RPGR: variants seen among roughly 807,000 people sequenced by gnomAD.
RPGR encodes retinitis pigmentosa GTPase regulator, also known as X-linked retinitis pigmentosa GTPase regulator.
RPGR carries 10 observed loss-of-function variants against 56.3 expected under a neutral mutation model. That is an observed-to-expected ratio of 0.18 (90% confidence interval 0.11 to 0.30). The LOEUF is 0.30. Among genes scored for constraint, RPGR ranks in the 10% least tolerant of loss-of-function variants. The pLI, the probability that RPGR is intolerant of heterozygous loss-of-function variation, is 1.00. For missense variants in RPGR, 538 were observed against 590.9 expected, an observed-to-expected ratio of 0.91 and a Z score of 0.93; for synonymous variants, 197 against 212.9, an observed-to-expected ratio of 0.93 and a Z score of 0.65.
At chrX:38,306,911 A>G (rs2067613649) in intron 7 of RPGR, among the ~76,000 whole-genome samples, 2 of 112,833 alleles carry the variant, frequency 1.8e-5, no homozygotes, top group South Asian at 7.2e-4. Flanking sequence ...ATTATATTTA[A>G]CAACCAATAG....
chrX:38,302,803 CTTTT>C (rs1289293091), intron 8 of RPGR: 1 of 87,356 alleles, frequency 1.1e-5, no homozygotes, highest in Non-Finnish European at 2.2e-5. Context: ...TTTAGACTAC[CTTTT>C]TTTTTTTTTC....
rs202156474 is a variant in RPGR, at chrX:38,323,523, A to T, written c.30T>A (p.Asp10Glu). The change falls in exon 2 of 19, where the codon GAT becomes GAA. Residue 10 changes from aspartate (D) to glutamate (E), a missense_variant and splice_region_variant. This residue lies in a region of RPGR where 181 missense variants were observed against 265.1 expected (regional missense o/e 0.68). Transcript: ENST00000642395. Reference sequence around the variant, plus strand: ...TCCCAAATGTAAACACAGCACCCGAATCTGCAAATATAAGACGGTCTTTAT... The same window carrying T: ...TCCCAAATGTAAACACAGCACCCGATTCTGCAAATATAAGACGGTCTTTAT... 62 of 1,206,103 alleles carry T rather than the reference A, an allele frequency of 5.1e-5. No homozygotes were observed. The African/African-American group carries it at 1.0e-3, about 20-fold the overall frequency.
Position 38,286,329 on chromosome X carries a change from TTCC to T in RPGR, c.1905+762_1905+764del, listed in dbSNP as rs199663434. ...CCTCCTCTTCTCCCTCCCCTTCTCC[TTCC>T]TCTTCTCCCTCCCCTTCTCCTTCCT... On this transcript the variant is annotated intron_variant, in intron 15 of 18. Coordinates refer to ENST00000642395, the MANE Select transcript of RPGR (RefSeq NM_000328.3). The T allele has an allele frequency of 0.047, 28,111 of 598,218 alleles. 1,918 individuals carry two copies. Among genetic ancestry groups the T allele is most frequent in the Middle Eastern group, 0.12 (167 of 1,372 alleles). 49.3% of individuals were successfully genotyped at this position (598,218 alleles called of 1,213,427 possible).
Position 38,298,980 on chromosome X carries a change from T to C in RPGR, c.1221A>G (p.Ser407=), listed in dbSNP as rs2067448329. Reference sequence around the variant, plus strand: ...CCCTCTCTCTTCGCCGCATACGTGCTGATAGAGTCCTCTGCAGTACATTTC... The same window carrying C: ...CCCTCTCTCTTCGCCGCATACGTGCCGATAGAGTCCTCTGCAGTACATTTC... The change falls in exon 10 of 19, where the codon TCA becomes TCG. Residue 407 remains serine, a synonymous_variant. Coordinates refer to ENST00000642395, the MANE Select transcript of RPGR (RefSeq NM_000328.3). 2.5e-6 allele frequency: 3 copies of C among 1,210,151 alleles called. No individual in the cohort carries two copies. The highest frequency in any genetic ancestry group is 4.4e-5 in the Admixed American group (2 of 45,723).
At chrX:38,304,290 T>C (rs1386445888) in intron 8 of RPGR, among the ~76,000 whole-genome samples, 1 of 102,949 alleles carries the variant, frequency 9.7e-6, no homozygotes, top group Non-Finnish European at 2.1e-5. Flanking sequence ...AGTTTTTGCT[T>C]GTGGGATTTT....
At chrX:38,321,957 A>C (rs1373694293) in intron 3 of RPGR, among the ~76,000 whole-genome samples, 1 of 112,064 alleles carries the variant, frequency 8.9e-6, no homozygotes, top group Admixed American at 9.5e-5. Context: ...GGTCTCAAGG[A>C]TCCCATAGTC....
chrX:38,274,220 G>A (rs186762373), intron 17 of RPGR, among the ~76,000 whole-genome samples: 1 of 112,162 alleles, frequency 8.9e-6, no homozygotes, highest in African/African-American at 3.2e-5. Flanking sequence ...TCTAGATTAT[G>A]TAGATCTCAA....
Position 38,322,821 on chromosome X carries a change from AC to A in RPGR, c.247+31del, listed in dbSNP as rs749241480. ...CACAGTCAACATAAAAATACTTTAT[AC>A]AGTTTGTGAAAAGATAAAAAGATCC... On this transcript the variant is annotated intron_variant, in intron 3 of 18. Transcript: ENST00000642395. 1.9e-5 allele frequency: 21 copies of A among 1,081,183 alleles called. No individual in the cohort carries two copies. The African/African-American group carries it at 2.7e-4, about 14-fold the overall frequency. The allele number at this position is 1,081,183 out of a possible 1,213,427, so 89.1% of individuals were successfully genotyped here. A position where few individuals can be genotyped will look rare whatever the true frequency, so the allele number is the denominator to read the frequency against.
chrX:38,304,914 A>C (rs2067568295), intron 7 of RPGR, 124 bp from the exon 8 acceptor site: 1 of 565,320 alleles, frequency 1.8e-6, no homozygotes, highest in East Asian at 3.6e-5. Context: ...GGGAAAAAAA[A>C]ACATTTAAGA....
At chrX:38,269,867 C>T in intron 18 of RPGR, 1 of 1,005,737 alleles carries the variant, frequency 9.9e-7, no homozygotes, top group African/African-American at 1.9e-5. Context: ...ATATTCATTT[C>T]CATAAGTGAA....
intron 6 of RPGR, among the ~76,000 whole-genome samples, chrX:38,316,884 G>A (rs112572367): frequency 0.01 from 1,172 of 111,765 alleles, 14 homozygotes; most frequent in African/African-American, 0.037. Flanking sequence ...TGTTTTTACT[G>A]TTGAAAAATC....
intron 13 of RPGR, among the ~76,000 whole-genome samples, chrX:38,289,173 T>C (rs1010737073): frequency 1.8e-5 from 2 of 111,970 alleles, no homozygotes; most frequent in Non-Finnish European, 3.8e-5. Context: ...AGTCCACTCC[T>C]AGAACTGAAG....
intron 7 of RPGR, among the ~76,000 whole-genome samples, chrX:38,305,477 AGT>A (rs1313521903): frequency 3.6e-5 from 4 of 110,655 alleles, no homozygotes; most frequent in African/African-American, 1.3e-4. Context: ...AAAAGTGAAT[AGT>A]GTCTCCTACA....
Position 38,274,963 on chromosome X carries a change from A to G in RPGR, c.2149+126T>C, listed in dbSNP as rs950950340. ...TAGCTTGTTATGAGGATCATGTGAC[A>G]GTAAAAATTATAGCATATATGTAAA... On this transcript the variant is annotated intron_variant, in intron 17 of 18. Transcript: ENST00000642395. The G allele has an allele frequency of 1.4e-4, 72 of 532,241 alleles. No individual in the cohort carries two copies. The African/African-American group carries it at 1.4e-3, about 11-fold the overall frequency. 43.9% of individuals were successfully genotyped at this position (532,241 alleles called of 1,213,427 possible).
chrX:38,306,006 T>C (rs1219553543), intron 7 of RPGR, among the ~76,000 whole-genome samples: 1 of 111,614 alleles, frequency 9.0e-6, no homozygotes, highest in Non-Finnish European at 1.9e-5. Context: ...TACTACGTCA[T>C]ATGTTTTCTA....
chrX:38,270,898 G>A (rs1876246489), intron 18 of RPGR, among the ~76,000 whole-genome samples: 1 of 111,350 alleles, frequency 9.0e-6, no homozygotes, highest in African/African-American at 3.3e-5. Context: ...GTTTGTAGGT[G>A]CAAAATTGGG....
Position 38,288,006 on chromosome X carries a change from T to A in RPGR, c.1608A>T (p.Thr536=), listed in dbSNP as rs145089607. Reference sequence around the variant, plus strand: ...CACTATCATCGTTTTCAGTAAGAGCTGTATCCTGCGTCAGTTCCCCAATTG... The same window carrying A: ...CACTATCATCGTTTTCAGTAAGAGCAGTATCCTGCGTCAGTTCCCCAATTG... The change falls in exon 14 of 19, where the codon ACA becomes ACT. Residue 536 remains threonine (T), a synonymous_variant. Transcript: ENST00000642395. 2.2e-4 allele frequency: 261 copies of A among 1,208,904 alleles called. No homozygotes were observed. The highest frequency in any genetic ancestry group is 2.7e-4 in the Non-Finnish European group (241 of 894,273).
At position 38,287,103 on chromosome X, in the gene RPGR, G is replaced by A. The variant is rs1481362994; in HGVS notation, c.1896C>T (p.Asp632=). ...CCTTGCCTTCACTCACCTCTGCTTT[G>A]TCTGTAAGGTCATCTGATAGGATCT... is the stretch of plus-strand genomic sequence containing the variant. Residue 632 remains aspartate, a synonymous_variant, in exon 15 of 19, where the codon GAC becomes GAT. Transcript: ENST00000642395. 2.5e-6 allele frequency: 3 copies of A among 1,210,389 alleles called. No individual in the cohort carries two copies. Among genetic ancestry groups the A allele is most frequent in the Non-Finnish European group, 3.4e-6 (3 of 895,251 alleles).
At position 38,285,648 on chromosome X, in the gene RPGR, C is replaced by G. The variant is rs199691696; in HGVS notation, c.1905+1446G>C. ...ACTGGACTGGCATTTTGGACCTCTG[C>G]TCTTTCCCATTTCCCTGTGTGTTAG... On this transcript the variant is annotated intron_variant, in intron 15 of 18. Coordinates refer to ENST00000642395, the MANE Select transcript of RPGR (RefSeq NM_000328.3). 22 of 1,209,312 alleles carry G rather than the reference C, an allele frequency of 1.8e-5. No homozygotes were observed. In the East Asian group the frequency reaches 6.2e-4, roughly 34 times the overall value.
Sources: allele counts gnomAD v4.1 joint callset (sites outside exome capture counted in the v4.1 genomes callset), GRCh38; gene constraint gnomAD v4.1.1; regional missense constraint gnomAD v4.1.1; transcripts MANE v1.5; gene names NCBI Gene and HGNC (gene_info 2026-07-23, HGNC 2026-07-21).